TP53BP2: variants seen among roughly 807,000 people sequenced by gnomAD.
TP53BP2 encodes the protein apoptosis-stimulating of p53 protein 2.
A neutral mutation model predicts 126.2 loss-of-function variants in TP53BP2; 62 were observed. The observed-to-expected ratio is 0.49, with a 90% CI of 0.40 to 0.61. The LOEUF (loss-of-function observed/expected upper bound fraction) is 0.61, where lower values mean the gene tolerates loss of function less well. TP53BP2 is among the 20% of genes least tolerant of loss of function. The pLI is 0.00. For synonymous variants in TP53BP2, 485 were observed against 502.9 expected (o/e 0.96, Z 0.48); for missense variants, 1,215 against 1,402.8 (o/e 0.87, Z 2.14).
intron 17 of TP53BP2, 32 bp from the exon 18 acceptor site, chr1:223,780,926 A>G (rs765967534): frequency 2.5e-6 from 4 of 1,588,996 alleles, no homozygotes; most frequent in East Asian, 4.5e-5. Flanking sequence ...TTTACATACT[A>G]TAATAGATGT....
In TP53BP2 at chr1:223,786,989, G is replaced by A. The variant is rs142591240; in HGVS notation, c.3163+2019C>T. Among the ~76,000 whole-genome samples, 1,034 of 151,860 alleles carry A rather than the reference G, an allele frequency of 6.8e-3. 10 individuals carry two copies. The highest frequency in any genetic ancestry group is 0.024 in the African/African-American group (999 of 41,356). ...TCAGCTCACTGCAACCTCCGCCTCC[G>A]GGTTCAAACAGTTCTCCTGCCTCGG... On this transcript the variant is annotated intron_variant, in intron 16 of 17. Transcript: ENST00000343537.
At chr1:223,819,535 A>C (rs1022475034) in intron 2 of TP53BP2, among the ~76,000 whole-genome samples, 1 of 151,796 alleles carries the variant, frequency 6.6e-6, no homozygotes, top group African/African-American at 2.4e-5. Flanking sequence ...AAATACAAAA[A>C]ATTAGGCGGG....
chr1:223,838,677 A>G (rs1052257492), intron 1 of TP53BP2, among the ~76,000 whole-genome samples: 6 of 152,252 alleles, frequency 3.9e-5, no homozygotes, highest in Non-Finnish European at 8.8e-5. Flanking sequence ...TGGTTTTGCC[A>G]TCAAAGGTGA....
intron 1 of TP53BP2, among the ~76,000 whole-genome samples, chr1:223,840,553 C>A (rs1260096696): frequency 6.6e-6 from 1 of 152,110 alleles, no homozygotes; most frequent in Non-Finnish European, 1.5e-5. Context: ...TAAGGAGAGG[C>A]TAGATAACAT....
chr1:223,782,525 G>A (rs933989916), intron 17 of TP53BP2, among the ~76,000 whole-genome samples: 1 of 152,076 alleles, frequency 6.6e-6, no homozygotes. Context: ...CAGGGTCACC[G>A]AGGCTGGAGT....
chr1:223,805,247 C>T (rs770367153), intron 5 of TP53BP2, among the ~76,000 whole-genome samples: 23 of 147,150 alleles, frequency 1.6e-4, no homozygotes, highest in Non-Finnish European at 3.0e-4. Context: ...ACAGTGAGAA[C>T]CCATCTCAAA....
chr1:223,789,251 A>C (rs1327858094), intron 15 of TP53BP2, 77 bp from the exon 16 acceptor site: 2 of 1,528,418 alleles, frequency 1.3e-6, no homozygotes, highest in African/African-American at 2.8e-5. Flanking sequence ...CTGGAAAGAA[A>C]GTTCTTGAGT....
In TP53BP2 at chr1:223,784,230, G is replaced by A. The variant is rs774806842; in HGVS notation, c.3248C>T (p.Pro1083Leu). The change falls in exon 17 of 18, where the codon CCC (proline) becomes CTC (leucine). Residue 1083 changes from proline (P) to leucine (L), a missense_variant. Physicochemically the swap from Pro to Leu is moderately conservative, Grantham distance 98. This residue lies in a region of TP53BP2 where 151 missense variants were observed against 231.2 expected (regional missense o/e 0.65). Coordinates refer to ENST00000343537, the MANE Select transcript of TP53BP2 (RefSeq NM_001031685.3). ...DYEPQNDDELPMKEGDCMTII... is the reference protein window; with the variant it reads ...DYEPQNDDELLMKEGDCMTII... ...TGTCATGCAGTCTCCTTCTTTCATG[G>A]GCAGCTCATCATCATTCTGAGGTTC... is the stretch of plus-strand genomic sequence containing the variant. The A allele has an allele frequency of 1.2e-6, 2 of 1,613,912 alleles. No individual in the cohort carries two copies. Among genetic ancestry groups the A allele is most frequent in the Admixed American group, 1.7e-5 (1 of 59,982 alleles).
At chr1:223,821,480 G>A (rs373813599) in intron 1 of TP53BP2, 113 bp from the exon 2 acceptor site, 15 of 1,415,336 alleles carry the variant, frequency 1.1e-5, no homozygotes, top group South Asian at 2.3e-5. Flanking sequence ...ACGTACAACA[G>A]AACAGTCTGG....
chr1:223,784,062 C>A, intron 17 of TP53BP2, 53 bp downstream of exon 17: 1 of 1,548,070 alleles, frequency 6.5e-7, no homozygotes, highest in Non-Finnish European at 8.9e-7. Context: ...GCAGTTTTTA[C>A]AAAGCCCCTC....
At position 223,811,881 on chromosome 1, in the gene TP53BP2, C is replaced by T. The variant is rs1018102380; in HGVS notation, c.290-1368G>A. Reference sequence around the variant, plus strand: ...GCTCCTTTATCTTCAGATTATATTTCTCACATTACTGACACTGAAACTGCA... The same window carrying T: ...GCTCCTTTATCTTCAGATTATATTTTTCACATTACTGACACTGAAACTGCA... On this transcript the variant is annotated intron_variant, in intron 3 of 17. Coordinates refer to ENST00000343537, the MANE Select transcript of TP53BP2 (RefSeq NM_001031685.3). 3.3e-5 allele frequency among the ~76,000 whole-genome samples: 5 copies of T among 152,132 alleles called. No homozygotes were observed. The South Asian group carries it at 1.0e-3, about 31-fold the overall frequency.
At chr1:223,788,317 C>T (rs1662040026) in intron 16 of TP53BP2, among the ~76,000 whole-genome samples, 1 of 152,184 alleles carries the variant, frequency 6.6e-6, no homozygotes, top group African/African-American at 2.4e-5. Flanking sequence ...CTGGGACCTC[C>T]TCATTTGTCT....
chr1:223,793,263 C>T (rs142523043), intron 14 of TP53BP2, 40 bp downstream of exon 14: 31,121 of 1,461,374 alleles, frequency 0.021, 407 homozygotes, highest in Middle Eastern at 0.026. Context: ...CAGAGCGAGA[C>T]TCTGACTCAA....
At chr1:223,813,343 C>T (rs1021833549) in intron 3 of TP53BP2, among the ~76,000 whole-genome samples, 6 of 152,186 alleles carry the variant, frequency 3.9e-5, no homozygotes, top group African/African-American at 1.4e-4. Flanking sequence ...AGCCCTCTAC[C>T]TCCGAAATTT....
At chr1:223,781,963 C>T (rs1267873982) in intron 17 of TP53BP2, among the ~76,000 whole-genome samples, 5 of 152,300 alleles carry the variant, frequency 3.3e-5, no homozygotes, top group East Asian at 1.9e-4. Flanking sequence ...GCCACACACA[C>T]GAGAGAAAAC....
intron 1 of TP53BP2, among the ~76,000 whole-genome samples, chr1:223,838,213 A>G (rs1663986616): frequency 6.6e-6 from 1 of 152,200 alleles, no homozygotes; most frequent in Admixed American, 6.5e-5. Context: ...TATGAAAGAA[A>G]GCTAAGCTCC....
intron 1 of TP53BP2, among the ~76,000 whole-genome samples, chr1:223,824,054 ATT>A (rs1342228367): frequency 1.3e-5 from 2 of 152,312 alleles, no homozygotes; most frequent in Admixed American, 6.5e-5. Flanking sequence ...AGCAGGTGTT[ATT>A]TTCTCTTTAT....
chr1:223,815,793 C>CTAAGTTTAAA (rs1663064768), intron 2 of TP53BP2, among the ~76,000 whole-genome samples: 1 of 151,826 alleles, frequency 6.6e-6, no homozygotes, highest in African/African-American at 2.4e-5. Context: ...GTACCTTTTC[C>CTAAGTTTAAA]TATGTTTAGA....
At chr1:223,836,702 GA>G (rs1269687666) in intron 1 of TP53BP2, among the ~76,000 whole-genome samples, 1 of 152,086 alleles carries the variant, frequency 6.6e-6, no homozygotes, top group East Asian at 1.9e-4. Flanking sequence ...TAAGAAAATA[GA>G]TAAGGAGAGC....
Sources: allele counts gnomAD v4.1 joint callset (sites outside exome capture counted in the v4.1 genomes callset), GRCh38; gene constraint gnomAD v4.1.1; regional missense constraint gnomAD v4.1.1; transcripts MANE v1.5; gene names NCBI Gene and HGNC (gene_info 2026-07-23, HGNC 2026-07-21).